PLCB4: variants seen among roughly 807,000 people sequenced by gnomAD.
The protein encoded by PLCB4 is phospholipase C beta 4, also known as 1-phosphatidylinositol 4,5-bisphosphate phosphodiesterase beta-4.
A neutral mutation model predicts 178.8 loss-of-function variants in PLCB4; 77 were observed. That is an observed-to-expected ratio of 0.43 (90% CI 0.36 to 0.52). PLCB4 has a LOEUF of 0.52. Ranked by LOEUF, PLCB4 falls within the 20% of genes least tolerant of loss-of-function variation. PLCB4 has a pLI of 0.00. For synonymous variants in PLCB4, 496 were observed against 490.8 expected (o/e 1.01, Z -0.14); for missense variants, 1,024 against 1,453.4 (o/e 0.70, Z 4.80).
At chr20:9,256,072 G>C (rs1327212563) in intron 3 of PLCB4, among the ~76,000 whole-genome samples, 1 of 152,092 alleles carries the variant, frequency 6.6e-6, no homozygotes, top group Non-Finnish European at 1.5e-5. Context: ...TCTCTATTAT[G>C]GTCAAGCATT....
At position 9,409,198 on chromosome 20, in the gene PLCB4, A is replaced by G; in HGVS notation, c.1999+17A>G. The G allele has an allele frequency of 6.3e-7, 1 of 1,576,220 alleles. No individual in the cohort carries two copies. The highest frequency in any genetic ancestry group is 8.6e-7 in the Non-Finnish European group (1 of 1,168,846). On this transcript the variant is annotated intron_variant, in intron 24 of 39. Coordinates refer to ENST00000378473, the MANE Select transcript of PLCB4 (RefSeq NM_001377142.1). Reference sequence around the variant, plus strand: ...AAACCCCAGGTAGGAGCTGATGTCCAGTGACCCCAAATTCCATGAGAACAC... The same window carrying G: ...AAACCCCAGGTAGGAGCTGATGTCCGGTGACCCCAAATTCCATGAGAACAC...
intron 4 of PLCB4, among the ~76,000 whole-genome samples, chr20:9,309,777 A>G (rs536231290): frequency 6.6e-5 from 10 of 152,326 alleles, no homozygotes; most frequent in African/African-American, 2.2e-4. Context: ...GATTTGATGA[A>G]CCAGAGATTC....
intron 2 of PLCB4, among the ~76,000 whole-genome samples, chr20:9,106,302 A>G (rs983788548): frequency 1.1e-4 from 16 of 151,802 alleles, no homozygotes; most frequent in African/African-American, 2.9e-4. Context: ...AAAAACCGCA[A>G]TTACTTTTGC....
chr20:9,420,969 C>G (rs1208703357), intron 26 of PLCB4, among the ~76,000 whole-genome samples: 2 of 152,178 alleles, frequency 1.3e-5, no homozygotes, highest in African/African-American at 4.8e-5. Flanking sequence ...TACCTGAATT[C>G]ATCACTTCAT....
At chr20:9,167,968 C>T (rs188801990) in intron 2 of PLCB4, among the ~76,000 whole-genome samples, 134 of 152,218 alleles carry the variant, frequency 8.8e-4, no homozygotes, top group African/African-American at 2.2e-3. Flanking sequence ...GAATAATATG[C>T]AACATTCTAT....
At chr20:9,227,960 C>A (rs2093887626) in intron 3 of PLCB4, among the ~76,000 whole-genome samples, 1 of 152,096 alleles carries the variant, frequency 6.6e-6, no homozygotes, top group Non-Finnish European at 1.5e-5. Context: ...TTATTATAGG[C>A]ATGCTACAAT....
intron 1 of PLCB4, among the ~76,000 whole-genome samples, chr20:9,075,793 G>T (rs1033984721): frequency 1.3e-5 from 2 of 152,200 alleles, no homozygotes; most frequent in African/African-American, 2.4e-5. Context: ...GATTTATTTG[G>T]AGTCTTCTCA....
At chr20:9,307,128 C>T (rs2094776748) in intron 3 of PLCB4, among the ~76,000 whole-genome samples, 1 of 152,130 alleles carries the variant, frequency 6.6e-6, no homozygotes, top group African/African-American at 2.4e-5. Context: ...CTGCTACAAA[C>T]ATTGTGAACA....
chr20:9,164,225 G>A (rs1356108794), intron 2 of PLCB4, among the ~76,000 whole-genome samples: 1 of 152,100 alleles, frequency 6.6e-6, no homozygotes, highest in Non-Finnish European at 1.5e-5. Context: ...TTTGTCACAT[G>A]GCAGGCCTTC....
At chr20:9,198,546 A>G (rs2093501657) in intron 2 of PLCB4, among the ~76,000 whole-genome samples, 4 of 152,198 alleles carry the variant, frequency 2.6e-5, no homozygotes, top group African/African-American at 9.7e-5. Context: ...TGAAAGGAGA[A>G]TGGTAAATTA....
chr20:9,430,605 T>C (rs2041329569), intron 28 of PLCB4, among the ~76,000 whole-genome samples: 1 of 152,240 alleles, frequency 6.6e-6, no homozygotes, highest in South Asian at 2.1e-4. Context: ...TAATGATATT[T>C]ATCCAGCTAA....
chr20:9,321,673 T>C (rs1248394621), intron 4 of PLCB4, among the ~76,000 whole-genome samples: 1 of 152,128 alleles, frequency 6.6e-6, no homozygotes. Flanking sequence ...CTCACTGTGT[T>C]ACCAGGCTAG....
chr20:9,229,477 G>T (rs1175143746), intron 3 of PLCB4, among the ~76,000 whole-genome samples: 1 of 152,068 alleles, frequency 6.6e-6, no homozygotes, highest in Non-Finnish European at 1.5e-5. Context: ...AGGTTATTGT[G>T]CAGTATGGAA....
intron 33 of PLCB4, among the ~76,000 whole-genome samples, chr20:9,454,277 AT>A (rs2042933406): frequency 6.6e-6 from 1 of 152,120 alleles, no homozygotes. Flanking sequence ...ATGTCCCATT[AT>A]TGGTGATGTT....
intron 3 of PLCB4, among the ~76,000 whole-genome samples, chr20:9,299,391 C>T (rs1352477377): frequency 1.3e-5 from 2 of 151,944 alleles, no homozygotes; most frequent in East Asian, 3.9e-4. Flanking sequence ...AAAATTACAT[C>T]AGCTAGCTGT....
chr20:9,182,776 G>A (rs2093268565), intron 2 of PLCB4, among the ~76,000 whole-genome samples: 1 of 152,136 alleles, frequency 6.6e-6, no homozygotes, highest in African/African-American at 2.4e-5. Flanking sequence ...GGGCTTCCTG[G>A]TGTAGCTCTC....
intron 2 of PLCB4, among the ~76,000 whole-genome samples, chr20:9,187,368 A>G (rs1486929326): frequency 2.0e-5 from 3 of 151,988 alleles, no homozygotes; most frequent in Non-Finnish European, 4.4e-5. Context: ...AAACATTTGC[A>G]CACCCCTGCT....
chr20:9,168,083 A>G (rs923576671), intron 2 of PLCB4, among the ~76,000 whole-genome samples: 1 of 152,218 alleles, frequency 6.6e-6, no homozygotes, highest in Non-Finnish European at 1.5e-5. Flanking sequence ...TGTTGGAAAA[A>G]AACCACTTTA....
At chr20:9,221,094 G>GA (rs149320291) in intron 3 of PLCB4, among the ~76,000 whole-genome samples, 3,371 of 152,242 alleles carry the variant, frequency 0.022, 138 homozygotes, top group African/African-American at 0.077. Flanking sequence ...GCTCCCAGGA[G>GA]AAACTAGTGA....
Sources: gnomAD v4.1 joint callset for allele counts (sites outside exome capture counted in the v4.1 genomes callset) on GRCh38, gnomAD v4.1.1 for gene constraint, MANE v1.5 for transcripts, NCBI Gene and HGNC (gene_info 2026-07-23, HGNC 2026-07-21) for gene names.